PDE8B: variants seen among roughly 807,000 people sequenced by gnomAD.
The protein encoded by PDE8B is high affinity cAMP-specific and IBMX-insensitive 3',5'-cyclic phosphodiesterase 8B.
A neutral mutation model predicts 101.3 loss-of-function variants in PDE8B; 26 were observed. The ratio of observed to expected loss-of-function variants is 0.26; its 90% CI spans 0.19 to 0.36. PDE8B has a LOEUF of 0.36. PDE8B is among the 10% of genes least tolerant of loss of function. The pLI is 1.00. For missense variants in PDE8B, 810 were observed against 1,163.1 expected, an observed-to-expected ratio of 0.70 and a Z score of 4.42; for synonymous variants, 424 against 429.3, an observed-to-expected ratio of 0.99 and a Z score of 0.15.
chr5:77,223,238 TTTA>T (rs1186028964), intron 1 of PDE8B, among the ~76,000 whole-genome samples: 18 of 152,072 alleles, frequency 1.2e-4, no homozygotes, highest in Admixed American at 6.5e-5. Context: ...CTTTTTTTAT[TTTA>T]TTATTATTAT....
intron 1 of PDE8B, among the ~76,000 whole-genome samples, chr5:77,254,148 A>G (rs1338671369): frequency 6.6e-6 from 1 of 152,180 alleles, no homozygotes; most frequent in Non-Finnish European, 1.5e-5. Flanking sequence ...GATCACAGAT[A>G]CAAAAAGAAT....
chr5:77,397,279 C>T (rs1447271314), intron 10 of PDE8B, among the ~76,000 whole-genome samples: 1 of 151,988 alleles, frequency 6.6e-6, no homozygotes, highest in Non-Finnish European at 1.5e-5. Context: ...ATTCACCTGA[C>T]TTGGCCTCCC....
chr5:77,258,284 C>A (rs1759618208), intron 1 of PDE8B, among the ~76,000 whole-genome samples: 3 of 97,280 alleles, frequency 3.1e-5, no homozygotes, highest in Non-Finnish European at 2.0e-5. Context: ...AGCGAGACTC[C>A]ATCTCAAAAA....
At chr5:77,374,352 C>T (rs1245326279) in intron 10 of PDE8B, among the ~76,000 whole-genome samples, 1 of 151,878 alleles carries the variant, frequency 6.6e-6, no homozygotes, top group Non-Finnish European at 1.5e-5. Context: ...ATGTTTAGTC[C>T]ACTAACAGCT....
chr5:77,232,310 G>A (rs1231852090), intron 1 of PDE8B, among the ~76,000 whole-genome samples: 1 of 152,048 alleles, frequency 6.6e-6, no homozygotes, highest in African/African-American at 2.4e-5. Context: ...CAATATATTA[G>A]TGCATATCAT....
chr5:77,161,795 G>A, the PDE8B span, among the ~76,000 whole-genome samples: 1 of 152,148 alleles, frequency 6.6e-6, no homozygotes, highest in African/African-American at 2.4e-5. Context: ...ACTATAGTAT[G>A]TTTAATATTC....
At chr5:77,236,348 G>T (rs977389728) in intron 1 of PDE8B, among the ~76,000 whole-genome samples, 2 of 152,226 alleles carry the variant, frequency 1.3e-5, no homozygotes, top group Non-Finnish European at 2.9e-5. Context: ...GGATCATCAA[G>T]TGAGTGAGTA....
the PDE8B span, among the ~76,000 whole-genome samples, chr5:77,107,370 C>T: frequency 1.3e-5 from 2 of 152,104 alleles, no homozygotes; most frequent in South Asian, 4.1e-4. Context: ...CACCTTGTAT[C>T]GTATGACCTT....
intron 5 of PDE8B, among the ~76,000 whole-genome samples, chr5:77,335,676 A>G (rs1003942955): frequency 6.6e-6 from 1 of 152,174 alleles, no homozygotes; most frequent in Admixed American, 6.5e-5. Context: ...CTCCTCCTCC[A>G]CTTATATAGC....
intron 1 of PDE8B, among the ~76,000 whole-genome samples, chr5:77,247,413 C>T (rs562073913): frequency 1.2e-4 from 19 of 152,328 alleles, no homozygotes; most frequent in African/African-American, 1.9e-4. Context: ...ACGAGCCTCC[C>T]TCTGTGTCAT....
At chr5:77,162,655 T>G in the PDE8B span, among the ~76,000 whole-genome samples, 1 of 152,334 alleles carries the variant, frequency 6.6e-6, no homozygotes, top group African/African-American at 2.4e-5. Flanking sequence ...TATGTTTGGG[T>G]TAATGAGAGT....
intron 17 of PDE8B, among the ~76,000 whole-genome samples, chr5:77,415,351 ATTTTTT>A (rs71606293): frequency 5.6e-5 from 5 of 88,736 alleles, no homozygotes; most frequent in African/African-American, 1.5e-4. Flanking sequence ...ATAAGCTAAA[ATTTTTT>A]TTTTTTTTTT....
intron 1 of PDE8B, among the ~76,000 whole-genome samples, chr5:77,244,589 A>G (rs998905468): frequency 6.6e-6 from 1 of 152,152 alleles, no homozygotes; most frequent in Non-Finnish European, 1.5e-5. Context: ...AATAATAATA[A>G]TAATAACCAA....
chr5:77,198,873 A>G, the PDE8B span, among the ~76,000 whole-genome samples: 1 of 152,130 alleles, frequency 6.6e-6, no homozygotes, highest in Non-Finnish European at 1.5e-5. Context: ...ACAACTTAAA[A>G]CTATGGATAT....
chr5:77,220,031 G>C lies in PDE8B; in HGVS notation c.339+8767G>C, dbSNP rs890368541. On this transcript the variant is annotated intron_variant, in intron 1 of 21. Coordinates refer to ENST00000264917, the MANE Select transcript of PDE8B (RefSeq NM_003719.5). ...GTTGCTGGGACAGAACACCTAGGCGGGTAAGTTTTCAGGAGACTTCCTGCT... is the reference window on the plus strand; with the variant it reads ...GTTGCTGGGACAGAACACCTAGGCGCGTAAGTTTTCAGGAGACTTCCTGCT... 4.0e-4 allele frequency among the ~76,000 whole-genome samples: 61 copies of C among 152,182 alleles called. 2 individuals carry two copies. Among genetic ancestry groups the C allele is most frequent in the Non-Finnish European group, 8.7e-4 (59 of 68,032 alleles).
chr5:77,244,035 A>G (rs975387915), intron 1 of PDE8B, among the ~76,000 whole-genome samples: 4 of 151,482 alleles, frequency 2.6e-5, no homozygotes, highest in Admixed American at 2.6e-4. Context: ...TATGTGGGAG[A>G]GTTGAAGAAG....
the PDE8B span, among the ~76,000 whole-genome samples, chr5:77,183,677 C>T: frequency 1.3e-5 from 2 of 152,134 alleles, no homozygotes; most frequent in South Asian, 2.1e-4. Context: ...TTCTTGCTTT[C>T]ATCAACATGA....
At chr5:77,402,085 C>T (rs528884601) in intron 11 of PDE8B, among the ~76,000 whole-genome samples, 2 of 152,126 alleles carry the variant, frequency 1.3e-5, no homozygotes, top group African/African-American at 2.4e-5. Context: ...TTAGATTTAA[C>T]TTATTACTTG....
At chr5:77,123,229 G>T in the PDE8B span, among the ~76,000 whole-genome samples, 2 of 152,008 alleles carry the variant, frequency 1.3e-5, no homozygotes, top group African/African-American at 4.8e-5. Flanking sequence ...GTGGTGTAGG[G>T]CATAGAGAAG....
Sources: allele counts gnomAD v4.1 joint callset (sites outside exome capture counted in the v4.1 genomes callset), GRCh38; gene constraint gnomAD v4.1.1; transcripts MANE v1.5; gene names NCBI Gene and HGNC (gene_info 2026-07-23, HGNC 2026-07-21).